Variants in CDK12 observed in about 807,000 individuals in gnomAD.
CDK12 encodes cyclin-dependent kinase 12.
A neutral mutation model predicts 133.8 loss-of-function variants in CDK12; 17 were observed. That is an observed-to-expected ratio of 0.13 (90% CI 0.09 to 0.19). CDK12 has a LOEUF of 0.19. CDK12 is among the 10% of genes least tolerant of loss of function. The probability of loss-of-function intolerance (pLI) is 1.00; values close to 1 mark genes in which losing one functional copy is unlikely to be tolerated. For missense variants in CDK12, 1,508 were observed against 1,818.7 expected (o/e 0.83, Z 3.11); for synonymous variants, 694 against 683.6 (o/e 1.02, Z -0.24).
At chr17:39,544,919 C>T (rs894571985), upstream of CDK12, among the ~76,000 whole-genome samples, 21 of 152,108 alleles carry the variant, frequency 1.4e-4, no homozygotes, top group African/African-American at 4.8e-4. Flanking sequence ...CGTGAGCCAC[C>T]GCACCAGGCT....
chr17:39,469,752 C>T (rs991050100), intron 1 of CDK12, among the ~76,000 whole-genome samples: 1 of 151,820 alleles, frequency 6.6e-6, no homozygotes, highest in East Asian at 1.9e-4. Context: ...ATTCTCCTGC[C>T]TCAGCCTCCC....
intron 2 of CDK12, among the ~76,000 whole-genome samples, chr17:39,483,143 C>G (rs1241945636): frequency 6.6e-6 from 1 of 152,054 alleles, no homozygotes; most frequent in Non-Finnish European, 1.5e-5. Context: ...GAACTCCTGT[C>G]CTCAAGTGAT....
intron 2 of CDK12, 147 bp downstream of exon 2, chr17:39,471,910 T>A: frequency 5.6e-6 from 4 of 718,128 alleles, no homozygotes; most frequent in Non-Finnish European, 8.9e-6. Context: ...ATTATGACAT[T>A]ATTACTTGGG....
chr17:39,471,256 C>A lies in CDK12; in HGVS notation c.1424C>A (p.Ser475Tyr), dbSNP rs371684674. 1.1e-5 allele frequency: 17 copies of A among 1,609,948 alleles called. No homozygotes were observed. Among genetic ancestry groups the A allele is most frequent in the Non-Finnish European group, 1.2e-5 (14 of 1,178,954 alleles). Residue 475 changes from serine (S) to tyrosine (Y), a missense_variant, in exon 2 of 14, where the codon TCT becomes TAT. Transcript: ENST00000447079. ...VTHLNTEVKN[S>Y]SDTGKVKLDE... ...CATCTAAACACAGAGGTAAAAAATT[C>A]TTCAGATACAGGGAAAGTAAAGTTG... is the stretch of plus-strand genomic sequence containing the variant.
chr17:39,551,772 C>T (rs1175375459), intron 2 of CDK12, among the ~76,000 whole-genome samples: 3 of 152,116 alleles, frequency 2.0e-5, no homozygotes, highest in Non-Finnish European at 4.4e-5. Flanking sequence ...CATCCCCAAC[C>T]CCTTGCTTCC....
rs905388810 is a variant in CDK12 at position 39,532,870 on chromosome 17, G to A, written c.*1554G>A. On this transcript the variant is annotated 3_prime_UTR_variant, in exon 14 of 14. Coordinates refer to ENST00000447079, the MANE Select transcript of CDK12 (RefSeq NM_016507.4). ...CTATGTGAGTACCAGCATATAGAGT[G>A]TTTTAAAAACAGATACATGTCATAT... is the stretch of plus-strand genomic sequence containing the variant. 3.9e-5 allele frequency: 9 copies of A among 232,786 alleles called. No individual in the cohort carries two copies. The highest frequency in any genetic ancestry group is 7.6e-5 in the Non-Finnish European group (9 of 117,804). 14.4% of individuals were successfully genotyped at this position (232,786 alleles called of 1,614,324 possible).
At chr17:39,464,076 C>T (rs1240316093) in intron 1 of CDK12, among the ~76,000 whole-genome samples, 2 of 151,990 alleles carry the variant, frequency 1.3e-5, no homozygotes, top group African/African-American at 2.4e-5. Flanking sequence ...TAATAAATAC[C>T]TACTTTTAAG....
intron 10 of CDK12, 95 bp downstream of exon 10, chr17:39,517,651 T>G (rs1203265550): frequency 2.8e-6 from 2 of 718,892 alleles, no homozygotes; most frequent in Non-Finnish European, 2.5e-6. Context: ...TGTCCCAGTT[T>G]ATCATGGCAA....
At chr17:39,479,420 A>G (rs919382237) in intron 2 of CDK12, among the ~76,000 whole-genome samples, 1 of 152,032 alleles carries the variant, frequency 6.6e-6, no homozygotes, top group African/African-American at 2.4e-5. Context: ...TGTGACTTAC[A>G]CATCATTTTT....
chr17:39,490,140 G>A (rs988225635), intron 2 of CDK12, among the ~76,000 whole-genome samples: 1 of 151,716 alleles, frequency 6.6e-6, no homozygotes, highest in Non-Finnish European at 1.5e-5. Flanking sequence ...GCCGAGGCAC[G>A]TGGATCATTT....
chr17:39,482,015 C>CT (rs56340258), intron 2 of CDK12, among the ~76,000 whole-genome samples: 1,400 of 96,250 alleles, frequency 0.015, 53 homozygotes, highest in African/African-American at 0.035. Flanking sequence ...CCTGGCTTGC[C>CT]TTTTTTTTTT....
chr17:39,538,946 T>TACAA, downstream of CDK12, among the ~76,000 whole-genome samples: 1 of 151,924 alleles, frequency 6.6e-6, no homozygotes, highest in Non-Finnish European at 1.5e-5. Flanking sequence ...CATACATACA[T>TACAA]ACATACATAA....
At chr17:39,563,197 TCACA>T (rs971816426) in intron 3 of CDK12, among the ~76,000 whole-genome samples, 8 of 151,554 alleles carry the variant, frequency 5.3e-5, no homozygotes. Flanking sequence ...ACACACACAC[TCACA>T]CACACGAATA....
chr17:39,461,776 T>C lies in CDK12; in HGVS notation c.-296T>C, dbSNP rs917034421. 1.4e-5 allele frequency: 6 copies of C among 441,998 alleles called. No individual in the cohort carries two copies. Among genetic ancestry groups the C allele is most frequent in the African/African-American group, 9.7e-5 (5 of 51,568 alleles). 27.4% of individuals were successfully genotyped at this position (441,998 alleles called of 1,614,324 possible). On this transcript the variant is annotated 5_prime_UTR_variant, in exon 1 of 14. Coordinates refer to ENST00000447079, the MANE Select transcript of CDK12 (RefSeq NM_016507.4). ...CCTGGACCTCCCCGGCGCCCGGGCC[T>C]GAGGACTGGCTCGGCGGAGGGAGAA... is the stretch of plus-strand genomic sequence containing the variant.
Position 39,526,258 on chromosome 17 carries a change from G to T in CDK12, c.3702G>T (p.Lys1234Asn). ...GTCTGGAGGAAAACAACAGTGACAA[G>T]AACAGTGGGCCACAGGGGCCCCGAA... Reference protein sequence around the residue: ...AGSLEENNSDKNSGPQGPRRT... With the variant: ...AGSLEENNSDNNSGPQGPRRT... The change falls in exon 13 of 14, where the codon AAG (lysine) becomes AAT (asparagine). Residue 1234 changes from lysine (K) to asparagine (N), a missense_variant. Lys to Asn is a moderately conservative substitution (Grantham distance 94). Around this residue, in one of 9 missense-constraint regions of CDK12, gnomAD observed 399 missense variants for 469.6 expected, o/e 0.85. Coordinates refer to ENST00000447079, the MANE Select transcript of CDK12 (RefSeq NM_016507.4). 1 of 1,610,224 alleles carries T rather than the reference G, an allele frequency of 6.2e-7. No individual in the cohort carries two copies.
intron 6 of CDK12, among the ~76,000 whole-genome samples, chr17:39,503,804 C>T (rs532538009): frequency 6.6e-6 from 1 of 152,200 alleles, no homozygotes; most frequent in South Asian, 2.1e-4. Flanking sequence ...GGTGAAGGGT[C>T]GTCAGCTGGG....
chr17:39,563,002 T>C (rs1597735368), intron 3 of CDK12, among the ~76,000 whole-genome samples: 1 of 150,388 alleles, frequency 6.6e-6, no homozygotes, highest in Non-Finnish European at 1.5e-5. Context: ...ATTGGGAAAA[T>C]GTCCTTGGAA....
chr17:39,532,102 T>TTCTCTC lies in CDK12; in HGVS notation c.*822_*827dup, dbSNP rs71843922. 3.5e-3 allele frequency: 768 copies of TTCTCTC among 218,490 alleles called. 8 individuals carry two copies. The highest frequency in any genetic ancestry group is 0.011 in the African/African-American group (442 of 38,456). 13.5% of individuals were successfully genotyped at this position (218,490 alleles called of 1,614,324 possible). A position where few individuals can be genotyped will look rare whatever the true frequency, so the allele number is the denominator to read the frequency against. ...GCTGATGTGTGCTCTCTCTCTCTCT[T>TTCTCTC]TCTCTCTCTCTCTCTCTCTCTCTCT... is the stretch of plus-strand genomic sequence containing the variant. On this transcript the variant is annotated 3_prime_UTR_variant, in exon 14 of 14. Coordinates refer to ENST00000447079, the MANE Select transcript of CDK12 (RefSeq NM_016507.4).
In CDK12 at chr17:39,524,760, C is replaced by T. The variant is rs1237795719; in HGVS notation, c.3182C>T (p.Pro1061Leu). 6 of 1,614,166 alleles carry T rather than the reference C, an allele frequency of 3.7e-6. No individual in the cohort carries two copies. The highest frequency in any genetic ancestry group is 5.1e-6 in the Non-Finnish European group (6 of 1,180,032). Reference sequence around the variant, plus strand: ...AGTGGTGTTGTAGTCGAAGAGCCACCTCCATCCAAAACTTCTCGAAAAGAA... The same window carrying T: ...AGTGGTGTTGTAGTCGAAGAGCCACTTCCATCCAAAACTTCTCGAAAAGAA... ...RQSGVVVEEP[P>L]PSKTSRKETT... The change falls in exon 12 of 14, where the codon CCT (proline) becomes CTT (leucine). Residue 1061 changes from proline to leucine, a missense_variant. Around this residue, in one of 9 missense-constraint regions of CDK12, gnomAD observed 399 missense variants for 469.6 expected, o/e 0.85. Transcript: ENST00000447079.
Sources: allele counts gnomAD v4.1 joint callset (sites outside exome capture counted in the v4.1 genomes callset), GRCh38; gene constraint gnomAD v4.1.1; regional missense constraint gnomAD v4.1.1; transcripts MANE v1.5; gene names NCBI Gene and HGNC (gene_info 2026-07-23, HGNC 2026-07-21).